CEP76: variants seen among roughly 807,000 people sequenced by gnomAD.
CEP76 encodes the protein centrosomal protein of 76 kDa.
A neutral mutation model predicts 83.3 loss-of-function variants in CEP76; 55 were observed. The observed-to-expected ratio is 0.66, with a 90% CI of 0.53 to 0.83. CEP76 has a LOEUF of 0.83. Ranked by LOEUF, CEP76 falls within the 40% of genes least tolerant of loss-of-function variation. The probability of loss-of-function intolerance (pLI) is 0.00; values close to 1 mark genes in which losing one functional copy is unlikely to be tolerated. For synonymous variants in CEP76, 270 were observed against 274.5 expected (o/e 0.98, Z 0.16); for missense variants, 694 against 799.5 (o/e 0.87, Z 1.59).
At chr18:12,698,953 A>C in intron 4 of CEP76, 26 bp downstream of exon 4, 1 of 1,461,736 alleles carries the variant, frequency 6.8e-7, no homozygotes. Flanking sequence ...TACTCAATTA[A>C]ATGACAATTT....
Position 12,699,810 on chromosome 18 carries a change from T to C in CEP76, c.295+20A>G. 1 of 1,357,706 alleles carries C rather than the reference T, an allele frequency of 7.4e-7. No homozygotes were observed. Among genetic ancestry groups the C allele is most frequent in the Non-Finnish European group, 1.0e-6 (1 of 982,478 alleles). 84.1% of individuals were successfully genotyped at this position (1,357,706 alleles called of 1,614,324 possible). On this transcript the variant is annotated intron_variant, in intron 3 of 11. Coordinates refer to ENST00000262127, the MANE Select transcript of CEP76 (RefSeq NM_024899.4). ...TATTTACTATTAACCACAACTAAATTAATGTTAAAATATACATACTTTTTT... is the reference window on the plus strand; with the variant it reads ...TATTTACTATTAACCACAACTAAATCAATGTTAAAATATACATACTTTTTT...
At chr18:12,683,020 C>G (rs937135293) in intron 8 of CEP76, among the ~76,000 whole-genome samples, 6 of 151,838 alleles carry the variant, frequency 4.0e-5, no homozygotes, top group African/African-American at 1.2e-4. Context: ...TGTGAAAGTT[C>G]ATTCATGGCA....
rs1350487083 is a variant in CEP76, at chr18:12,678,297, C to T, written c.1435G>A (p.Val479Ile). The change falls in exon 10 of 12, where the codon GTA (valine) becomes ATA (isoleucine). Residue 479 changes from valine (V) to isoleucine (I), a missense_variant. Val to Ile is a conservative substitution (Grantham distance 29, BLOSUM62 3). Coordinates refer to ENST00000262127, the MANE Select transcript of CEP76 (RefSeq NM_024899.4). ...CQPSDAVETCVFDLNDESKWK... is the reference protein window; with the variant it reads ...CQPSDAVETCIFDLNDESKWK... ...TTGGATTCATCGTTCAAATCAAATA[C>T]ACAGGTTTCTACTGCATCAGAGGGT... 6.2e-7 allele frequency: 1 copy of T among 1,614,122 alleles called. No homozygotes were observed. Among genetic ancestry groups the T allele is most frequent in the Admixed American group, 1.7e-5 (1 of 60,000 alleles).
rs1181252044 is a variant in CEP76, at chr18:12,673,363, C to A, written c.*2G>T. ...GGTATAAATCTTATATAAATATTGG[C>A]CCTATAATACCGAGCGATATTTACA... On this transcript the variant is annotated 3_prime_UTR_variant, in exon 12 of 12. Coordinates refer to ENST00000262127, the MANE Select transcript of CEP76 (RefSeq NM_024899.4). 6.3e-7 allele frequency: 1 copy of A among 1,598,764 alleles called. No individual in the cohort carries two copies. The highest frequency in any genetic ancestry group is 8.5e-7 in the Non-Finnish European group (1 of 1,174,922).
chr18:12,671,959 A>G (rs1348960512), downstream of CEP76, among the ~76,000 whole-genome samples: 1 of 139,826 alleles, frequency 7.2e-6, no homozygotes. Flanking sequence ...TAGCTAGACT[A>G]CAGGCACATG....
intron 10 of CEP76, among the ~76,000 whole-genome samples, chr18:12,675,000 C>CA (rs1184884168): frequency 6.6e-6 from 1 of 152,088 alleles, no homozygotes; most frequent in African/African-American, 2.4e-5. Flanking sequence ...ACAAAGTCTC[C>CA]AAATCCTGTA....
intron 6 of CEP76, among the ~76,000 whole-genome samples, chr18:12,693,635 T>G (rs1421057224): frequency 6.6e-6 from 1 of 151,838 alleles, no homozygotes; most frequent in East Asian, 1.9e-4. Context: ...ATACAAAAAT[T>G]AGCTGGGCGT....
chr18:12,702,447 G>C, intron 1 of CEP76, 39 bp downstream of exon 1: 1 of 1,504,528 alleles, frequency 6.6e-7, no homozygotes, highest in Non-Finnish European at 9.2e-7. Flanking sequence ...AAGGTTATGG[G>C]TCGGCCCGGC....
intron 5 of CEP76, among the ~76,000 whole-genome samples, chr18:12,696,477 T>C (rs1461536838): frequency 6.6e-6 from 1 of 151,860 alleles, no homozygotes; most frequent in Non-Finnish European, 1.5e-5. Flanking sequence ...CACTCCAGCC[T>C]GGTGACAGAG....
intron 7 of CEP76, among the ~76,000 whole-genome samples, chr18:12,689,472 A>C (rs1366520936): frequency 6.6e-6 from 1 of 152,222 alleles, no homozygotes; most frequent in African/African-American, 2.4e-5. Flanking sequence ...CTGTTTACAA[A>C]AAGAGCCAAT....
At chr18:12,671,682 T>G (rs958026687), downstream of CEP76, among the ~76,000 whole-genome samples, 39 of 140,736 alleles carry the variant, frequency 2.8e-4, no homozygotes, top group African/African-American at 1.0e-3. Flanking sequence ...AGAGTCTTGC[T>G]CTGTCACCCA....
chr18:12,688,407 C>T (rs933877236), intron 7 of CEP76, among the ~76,000 whole-genome samples: 1 of 152,078 alleles, frequency 6.6e-6, no homozygotes, highest in African/African-American at 2.4e-5. Context: ...ATAATGGCCA[C>T]GGCAAATCTA....
Position 12,673,045 on chromosome 18 carries a change from GT to G in CEP76, c.*319del, listed in dbSNP as rs1942621143. 8.8e-6 allele frequency: 9 copies of G among 1,020,916 alleles called. No homozygotes were observed. The highest frequency in any genetic ancestry group is 1.1e-5 in the Non-Finnish European group (9 of 853,318). The allele number at this position is 1,020,916 out of a possible 1,614,324, so 63.2% of individuals were successfully genotyped here. A position where few individuals can be genotyped will look rare whatever the true frequency, so the allele number is the denominator to read the frequency against. ...TAGACAAACATCTCTTTGATTACCT[GT>G]TTGTGTAAAGAAAACTGAATGCATT... On this transcript the variant is annotated 3_prime_UTR_variant, in exon 12 of 12. Coordinates refer to ENST00000262127, the MANE Select transcript of CEP76 (RefSeq NM_024899.4).
chr18:12,683,778 G>C (rs2039436858), intron 8 of CEP76, among the ~76,000 whole-genome samples: 1 of 151,192 alleles, frequency 6.6e-6, no homozygotes, highest in South Asian at 2.1e-4. Flanking sequence ...AAATCAGAAA[G>C]ACTGTAGCAA....
intron 12 of CEP76, among the ~76,000 whole-genome samples, chr18:12,663,117 T>C (rs9944857): frequency 0.018 from 2,728 of 152,310 alleles, 92 homozygotes; most frequent in African/African-American, 0.062. Context: ...CCCAAATTAC[T>C]GCTAGTTGGC....
chr18:12,690,862 A>C (rs2039728965), intron 7 of CEP76, among the ~76,000 whole-genome samples: 1 of 152,094 alleles, frequency 6.6e-6, no homozygotes, highest in Non-Finnish European at 1.5e-5. Context: ...GTTAAACATT[A>C]CTGGTCACTG....
chr18:12,689,024 G>A lies in CEP76; in HGVS notation c.933+2335C>T, dbSNP rs546152292. ...AGCTACTTGGGAGGCTGAGGCAGGA[G>A]AATCACTTGAATCTGGGAGGTGGAG... is the stretch of plus-strand genomic sequence containing the variant. On this transcript the variant is annotated intron_variant, in intron 7 of 11. Transcript: ENST00000262127. Among the ~76,000 whole-genome samples, 28 of 152,290 alleles carry A rather than the reference G, an allele frequency of 1.8e-4. No individual in the cohort carries two copies. In the South Asian group the frequency reaches 5.6e-3, roughly 30 times the overall value.
Position 12,702,623 on chromosome 18 carries a change from G to A in CEP76, c.-75C>T, listed in dbSNP as rs1296624875. On this transcript the variant is annotated 5_prime_UTR_variant, in exon 1 of 12. Coordinates refer to ENST00000262127, the MANE Select transcript of CEP76 (RefSeq NM_024899.4). ...ACTGCGCGGCCCCGGCCGGGCCAGG[G>A]AGCGTTAGGAGCGACTGGAGCACAA... The A allele has an allele frequency of 1.2e-5, 18 of 1,479,332 alleles. No individual in the cohort carries two copies. Among genetic ancestry groups the A allele is most frequent in the Non-Finnish European group, 1.5e-5 (17 of 1,103,540 alleles). 91.6% of individuals were successfully genotyped at this position (1,479,332 alleles called of 1,614,324 possible). A position where few individuals can be genotyped will look rare whatever the true frequency, so the allele number is the denominator to read the frequency against.
chr18:12,685,010 CTCT>C (rs1261590168), intron 8 of CEP76: 1 of 151,072 alleles, frequency 6.6e-6, no homozygotes, highest in Non-Finnish European at 1.5e-5. Flanking sequence ...CTGCCATTTT[CTCT>C]TTTTTTTTTA....
Sources: allele counts gnomAD v4.1 joint callset (sites outside exome capture counted in the v4.1 genomes callset), GRCh38; gene constraint gnomAD v4.1.1; transcripts MANE v1.5; gene names NCBI Gene and HGNC (gene_info 2026-07-23, HGNC 2026-07-21).